KCNQ1: variants seen among roughly 807,000 people sequenced by gnomAD.
KCNQ1 encodes potassium voltage-gated channel subfamily KQT member 1.
In KCNQ1, 49 loss-of-function variants were observed where a neutral mutation model predicts 72.4. That is an observed-to-expected ratio of 0.68 (90% CI 0.54 to 0.86). The LOEUF is 0.86. Among genes scored for constraint, KCNQ1 ranks in the 40% least tolerant of loss-of-function variants. KCNQ1 has a pLI of 0.00. For synonymous variants in KCNQ1, 450 were observed against 412.6 expected, an observed-to-expected ratio of 1.09 and a Z score of -1.10; for missense variants, 790 against 945.1, an observed-to-expected ratio of 0.84 and a Z score of 2.15.
chr11:2,650,120 C>A, intron 10 of KCNQ1: 1 of 398,308 alleles, frequency 2.5e-6, no homozygotes, highest in Non-Finnish European at 4.4e-6. Flanking sequence ...TAATTTATCA[C>A]CTCCAGGATT....
At position 2,764,826 on chromosome 11, in the gene KCNQ1, C is replaced by T. The variant is rs937041716; in HGVS notation, c.1515-4018C>T. On this transcript the variant is annotated intron_variant, in intron 11 of 15. Coordinates refer to ENST00000155840, the MANE Select transcript of KCNQ1 (RefSeq NM_000218.3). This position sits in a 1 kb window ranked among gnomAD's most constrained non-coding sequence, Gnocchi z 4.8. ...CCTCTGAATAAATGTTTCTGCACCT[C>T]TAGGTCTATAGTGACATTCCATCTT... is the stretch of plus-strand genomic sequence containing the variant. Among the ~76,000 whole-genome samples, 2 of 152,170 alleles carry T rather than the reference C, an allele frequency of 1.3e-5. No individual in the cohort carries two copies. The highest frequency in any genetic ancestry group is 2.9e-5 in the Non-Finnish European group (2 of 68,030).
chr11:2,706,219 A>C (rs1380416096), intron 11 of KCNQ1, among the ~76,000 whole-genome samples: 1 of 152,222 alleles, frequency 6.6e-6, no homozygotes, highest in Non-Finnish European at 1.5e-5. Context: ...ATATGGAAGA[A>C]GTGACAGAGC....
chr11:2,661,251 A>G lies in KCNQ1; in HGVS notation c.1394-710A>G. 2.5e-6 allele frequency: 1 copy of G among 399,192 alleles called. No individual in the cohort carries two copies. The highest frequency in any genetic ancestry group is 4.4e-6 in the Non-Finnish European group (1 of 226,536). The allele number at this position is 399,192 out of a possible 1,614,324, so 24.7% of individuals were successfully genotyped here. A position where few individuals can be genotyped will look rare whatever the true frequency, so the allele number is the denominator to read the frequency against. ...GAGTACTTAATCCTTTTGCAATAAA[A>G]TATTTAAATGAAGACAAATATAAGC... On this transcript the variant is annotated intron_variant, in intron 10 of 15. Transcript: ENST00000155840. The surrounding 1 kb of genome is among the most constrained non-coding windows in gnomAD (Gnocchi z 5.9).
chr11:2,837,806 G>A (rs1338044217), intron 15 of KCNQ1, among the ~76,000 whole-genome samples: 1 of 152,230 alleles, frequency 6.6e-6, no homozygotes, highest in African/African-American at 2.4e-5. Context: ...GAGGAAACCG[G>A]CTCTGGGGCG....
rs1286407784 is a variant in KCNQ1, at chr11:2,541,682, A to C, written c.477+13664A>C. Among the ~76,000 whole-genome samples, 1 of 148,288 alleles carries C rather than the reference A, an allele frequency of 6.7e-6. No individual in the cohort carries two copies. Among genetic ancestry groups the C allele is most frequent in the African/African-American group, 2.5e-5 (1 of 39,870 alleles). Reference sequence around the variant, plus strand: ...CCTTCTGCTCAAGTTCTCTTGCTTCATCTCAGGCTCAGGTGTTTTGAGTTT... The same window carrying C: ...CCTTCTGCTCAAGTTCTCTTGCTTCCTCTCAGGCTCAGGTGTTTTGAGTTT... On this transcript the variant is annotated intron_variant, in intron 2 of 15. Transcript: ENST00000155840. The surrounding 1 kb of genome is among the most constrained non-coding windows in gnomAD (Gnocchi z 4.8).
chr11:2,782,286 C>A lies in KCNQ1; in HGVS notation c.1794+4249C>A, dbSNP rs1449604604. On this transcript the variant is annotated intron_variant, in intron 15 of 15. Transcript: ENST00000155840. This position sits in a 1 kb window ranked among gnomAD's most constrained non-coding sequence, Gnocchi z 6.1. Reference sequence around the variant, plus strand: ...GCGGTCTCCGGCCTCTCCTCACACCCACCAATCCTTCACATTGTATATTAT... The same window carrying A: ...GCGGTCTCCGGCCTCTCCTCACACCAACCAATCCTTCACATTGTATATTAT... Among the ~76,000 whole-genome samples, 1 of 152,242 alleles carries A rather than the reference C, an allele frequency of 6.6e-6. No individual in the cohort carries two copies. The highest frequency in any genetic ancestry group is 6.5e-5 in the Admixed American group (1 of 15,290).
chr11:2,666,221 C>T (rs976387059), intron 11 of KCNQ1: 30 of 398,516 alleles, frequency 7.5e-5, no homozygotes, highest in African/African-American at 2.9e-4. Context: ...ACTCAGGGAG[C>T]ACCCGGCCCA....
At chr11:2,733,285 A>T (rs1280215591) in intron 11 of KCNQ1, among the ~76,000 whole-genome samples, 1 of 141,476 alleles carries the variant, frequency 7.1e-6, no homozygotes, top group Non-Finnish European at 1.5e-5. Flanking sequence ...ATCCTCCATC[A>T]GCACTGACCC....
In KCNQ1 at chr11:2,482,586, C is replaced by T. The variant is rs745846068; in HGVS notation, c.386+37102C>T. ...TGACACCTTTGGCCAAATCACCTTC[C>T]GGGAGTGTTTTCCTAATTTAGCTTC... On this transcript the variant is annotated intron_variant, in intron 1 of 15. Coordinates refer to ENST00000155840, the MANE Select transcript of KCNQ1 (RefSeq NM_000218.3). The surrounding 1 kb of genome is among the most constrained non-coding windows in gnomAD (Gnocchi z 5.7). Among the ~76,000 whole-genome samples the T allele has an allele frequency of 5.3e-5, 8 of 152,202 alleles. No homozygotes were observed. Among genetic ancestry groups the T allele is most frequent in the East Asian group, 1.9e-4 (1 of 5,184 alleles).
Position 2,687,701 on chromosome 11 carries a change from G to C in KCNQ1, c.1514+25620G>C. On this transcript the variant is annotated intron_variant, in intron 11 of 15. Coordinates refer to ENST00000155840, the MANE Select transcript of KCNQ1 (RefSeq NM_000218.3). This position sits in a 1 kb window ranked among gnomAD's most constrained non-coding sequence, Gnocchi z 5.0. The stretch of plus-strand genomic sequence containing the variant: ...GAGCTCAGGGTTCAGTGTTGGAATG[G>C]GTCTGGGCCCAGATTTCAAGCCAGT... 1 of 398,756 alleles carries C rather than the reference G, an allele frequency of 2.5e-6. No individual in the cohort carries two copies. The highest frequency in any genetic ancestry group is 1.3e-4 in the South Asian group (1 of 7,864). 24.7% of individuals were successfully genotyped at this position (398,756 alleles called of 1,614,324 possible). A position where few individuals can be genotyped will look rare whatever the true frequency, so the allele number is the denominator to read the frequency against.
intron 10 of KCNQ1, chr11:2,614,857 A>G: frequency 2.5e-6 from 1 of 398,340 alleles, no homozygotes. Context: ...TTTCAATATG[A>G]TTTTAGATTG....
chr11:2,634,411 G>A (rs1235237906), intron 10 of KCNQ1: 6 of 192,690 alleles, frequency 3.1e-5, no homozygotes, highest in East Asian at 1.0e-4. Context: ...TCCCACCTAC[G>A]AGTGAGAACA....
rs1183588217 is a variant in KCNQ1 at position 2,561,927 on chromosome 11, A to G, written c.478-8701A>G. ...CTCAAGGTCACGGGCTGCACGTTCC[A>G]TGGGGCCTGGGGAAGCAGCCGAGCA... On this transcript the variant is annotated intron_variant, in intron 2 of 15. Coordinates refer to ENST00000155840, the MANE Select transcript of KCNQ1 (RefSeq NM_000218.3). Among the ~76,000 whole-genome samples, 3 of 151,810 alleles carry G rather than the reference A, an allele frequency of 2.0e-5. No individual in the cohort carries two copies. In the East Asian group the frequency reaches 5.8e-4, roughly 29 times the overall value.
Position 2,493,878 on chromosome 11 carries a change from T to G in KCNQ1, c.387-34050T>G, listed in dbSNP as rs1313651576. Among the ~76,000 whole-genome samples the G allele has an allele frequency of 6.6e-6, 1 of 152,252 alleles. No individual in the cohort carries two copies. Among genetic ancestry groups the G allele is most frequent in the East Asian group, 1.9e-4 (1 of 5,200 alleles). ...AATTTAAAGTAGTTTTTTCTAATTC[T>G]GTGAAGAAAGTCAATGATAGCTTGA... is the stretch of plus-strand genomic sequence containing the variant. On this transcript the variant is annotated intron_variant, in intron 1 of 15. Transcript: ENST00000155840. The surrounding 1 kb of genome is among the most constrained non-coding windows in gnomAD (Gnocchi z 5.3).
At position 2,803,983 on chromosome 11, in the gene KCNQ1, A is replaced by G. The variant is rs577282377; in HGVS notation, c.1794+25946A>G. On this transcript the variant is annotated intron_variant, in intron 15 of 15. Transcript: ENST00000155840. The surrounding 1 kb of genome is among the most constrained non-coding windows in gnomAD (Gnocchi z 6.4). Reference sequence around the variant, plus strand: ...TGGCCAGCATGTGGCCGCAGCCCCAACTGCAGCGGAAGGTATCGGGGAGTC... The same window carrying G: ...TGGCCAGCATGTGGCCGCAGCCCCAGCTGCAGCGGAAGGTATCGGGGAGTC... 1.3e-5 allele frequency among the ~76,000 whole-genome samples: 2 copies of G among 151,936 alleles called. No homozygotes were observed. Among genetic ancestry groups the G allele is most frequent in the East Asian group, 3.9e-4 (2 of 5,164 alleles).
At chr11:2,586,607 T>G (rs780468008) in intron 8 of KCNQ1, among the ~76,000 whole-genome samples, 13 of 152,082 alleles carry the variant, frequency 8.5e-5, no homozygotes, top group Non-Finnish European at 1.8e-4. Flanking sequence ...GCAGGGGTCA[T>G]GGGGTTTGCC....
chr11:2,832,617 C>A (rs1203926617), intron 15 of KCNQ1, among the ~76,000 whole-genome samples: 7 of 152,218 alleles, frequency 4.6e-5, no homozygotes, highest in Admixed American at 2.0e-4. Flanking sequence ...CCTGGGAGAC[C>A]ACAGTTGCAG....
chr11:2,790,570 C>A (rs764298352), intron 15 of KCNQ1, among the ~76,000 whole-genome samples: 4 of 152,238 alleles, frequency 2.6e-5, no homozygotes, highest in Non-Finnish European at 4.4e-5. Flanking sequence ...AAAAGCCTGA[C>A]CTCCTCTCAC....
chr11:2,445,224 G>T lies in KCNQ1; in HGVS notation c.126G>T (p.Glu42Asp). 8.8e-7 allele frequency: 1 copy of T among 1,132,766 alleles called. No homozygotes were observed. The highest frequency in any genetic ancestry group is 1.1e-6 in the Non-Finnish European group (1 of 922,518). 70.2% of individuals were successfully genotyped at this position (1,132,766 alleles called of 1,614,324 possible). Reference protein sequence around the residue: ...KKCPFSLELAEGGPAGGALYA... With the variant: ...KKCPFSLELADGGPAGGALYA... Reference sequence around the variant, plus strand: ...GCCCCTTCTCGCTGGAGCTGGCGGAGGGCGGCCCGGCGGGCGGCGCGCTCT... The same window carrying T: ...GCCCCTTCTCGCTGGAGCTGGCGGATGGCGGCCCGGCGGGCGGCGCGCTCT... The change falls in exon 1 of 16, where the codon GAG becomes GAT. Residue 42 changes from glutamate (E) to aspartate (D), a missense_variant. Glu to Asp is a conservative substitution (Grantham distance 45). Around this residue, in one of 5 missense-constraint regions of KCNQ1, gnomAD observed 294 missense variants for 323.3 expected, o/e 0.91. Transcript: ENST00000155840.
Sources: gnomAD v4.1 joint callset for allele counts (sites outside exome capture counted in the v4.1 genomes callset) on GRCh38, gnomAD v4.1.1 for gene constraint, gnomAD v4.1.1 regional missense constraint, Gnocchi (gnomAD v3.1) non-coding constraint, MANE v1.5 for transcripts, NCBI Gene and HGNC (gene_info 2026-07-23, HGNC 2026-07-21) for gene names.